The following TRPM3 variants were observed in gnomAD, a reference collection of about 807,000 sequenced individuals.
TRPM3 encodes transient receptor potential cation channel subfamily M member 3, also known as long transient receptor potential channel 3.
In TRPM3, 77 loss-of-function variants were observed where a neutral mutation model predicts 181.2. The observed-to-expected ratio is 0.42, with a 90% CI of 0.35 to 0.51. The LOEUF (loss-of-function observed/expected upper bound fraction) is 0.51. Ranked by LOEUF, TRPM3 falls within the 20% of genes least tolerant of loss-of-function variation. The pLI is 0.01. For synonymous variants in TRPM3, 745 were observed against 796.4 expected, an observed-to-expected ratio of 0.94 and a Z score of 1.09; for missense variants, 1,759 against 2,196.7, an observed-to-expected ratio of 0.80 and a Z score of 3.98.
intron 1 of TRPM3, among the ~76,000 whole-genome samples, chr9:70,947,686 T>G (rs1294834978): frequency 2.0e-5 from 3 of 152,146 alleles, no homozygotes; most frequent in Admixed American, 2.0e-4. Flanking sequence ...GCCCTACTTC[T>G]GGAGGCTCCA....
chr9:71,422,614 G>A (rs962443906), intron 1 of TRPM3, among the ~76,000 whole-genome samples: 2 of 151,892 alleles, frequency 1.3e-5, no homozygotes, highest in Non-Finnish European at 2.9e-5. Flanking sequence ...CTTTCTAGTA[G>A]TATATATACA....
chr9:71,315,483 T>C (rs1378775124), intron 1 of TRPM3, among the ~76,000 whole-genome samples: 1 of 152,158 alleles, frequency 6.6e-6, no homozygotes, highest in African/African-American at 2.4e-5. Flanking sequence ...TCTGTCTAGA[T>C]CCCTGCTTTA....
chr9:70,941,047 G>C (rs2096881021), intron 1 of TRPM3, among the ~76,000 whole-genome samples: 1 of 152,222 alleles, frequency 6.6e-6, no homozygotes, highest in Non-Finnish European at 1.5e-5. Flanking sequence ...AATCTGAGCA[G>C]TTATCAGTGT....
chr9:71,154,063 A>G (rs1366690869), intron 1 of TRPM3, among the ~76,000 whole-genome samples: 2 of 152,170 alleles, frequency 1.3e-5, no homozygotes, highest in Non-Finnish European at 2.9e-5. Flanking sequence ...AAATAAACAA[A>G]TAACAACAAC....
chr9:71,037,833 T>C (rs1021290204), intron 1 of TRPM3, among the ~76,000 whole-genome samples: 5 of 152,356 alleles, frequency 3.3e-5, no homozygotes, highest in African/African-American at 7.2e-5. Flanking sequence ...TTCTATCAAG[T>C]ATGGATGCCA....
intron 1 of TRPM3, among the ~76,000 whole-genome samples, chr9:71,289,760 C>T (rs900280803): frequency 1.3e-5 from 2 of 148,544 alleles, no homozygotes; most frequent in Non-Finnish European, 3.0e-5. Context: ...CCCAGCTACT[C>T]GGGAGGCTGA....
intron 22 of TRPM3, among the ~76,000 whole-genome samples, chr9:70,565,875 C>A (rs986608813): frequency 1.3e-5 from 2 of 152,124 alleles, no homozygotes; most frequent in African/African-American, 4.8e-5. Context: ...GCCTCAGTGT[C>A]CTCATTTCTA....
intron 22 of TRPM3, among the ~76,000 whole-genome samples, chr9:70,563,476 T>A (rs1386035957): frequency 1.3e-5 from 2 of 152,194 alleles, no homozygotes; most frequent in Non-Finnish European, 2.9e-5. Context: ...CTTTCCTCAT[T>A]TCTTCACTTC....
chr9:70,999,456 T>C (rs1018874599), intron 1 of TRPM3, among the ~76,000 whole-genome samples: 7 of 152,138 alleles, frequency 4.6e-5, no homozygotes, highest in African/African-American at 1.7e-4. Context: ...ATCACCTTGG[T>C]TGGATTCAGA....
chr9:70,573,123 CACA>C (rs139071530), intron 22 of TRPM3, among the ~76,000 whole-genome samples: 3,359 of 152,182 alleles, frequency 0.022, 36 homozygotes, highest in South Asian at 0.04. Flanking sequence ...AGTGTTCAGA[CACA>C]ACAATTCCAG....
chr9:70,846,080 T>G (rs1589172172), intron 4 of TRPM3, among the ~76,000 whole-genome samples: 1 of 152,246 alleles, frequency 6.6e-6, no homozygotes, highest in African/African-American at 2.4e-5. Context: ...AAAGAATTAT[T>G]GGCAACTTGA....
intron 3 of TRPM3, among the ~76,000 whole-genome samples, chr9:70,848,316 G>A (rs2095067333): frequency 6.6e-6 from 1 of 151,986 alleles, no homozygotes; most frequent in African/African-American, 2.4e-5. Flanking sequence ...GATGCAGCCA[G>A]GAAAACAAAG....
intron 1 of TRPM3, among the ~76,000 whole-genome samples, chr9:71,198,254 A>G (rs2078527217): frequency 6.6e-6 from 1 of 152,094 alleles, no homozygotes; most frequent in South Asian, 2.1e-4. Flanking sequence ...TACCAGTACC[A>G]TGCTGTTTTG....
At chr9:70,806,920 G>A (rs895703918) in intron 6 of TRPM3, among the ~76,000 whole-genome samples, 1 of 152,050 alleles carries the variant, frequency 6.6e-6, no homozygotes, top group Admixed American at 6.5e-5. Flanking sequence ...ACTTTGAAGG[G>A]TCCTATGATA....
chr9:70,740,450 A>G (rs1377484278), intron 8 of TRPM3, among the ~76,000 whole-genome samples: 1 of 150,596 alleles, frequency 6.6e-6, no homozygotes, highest in African/African-American at 2.4e-5. Context: ...GCATACCACC[A>G]TCATTCTTCA....
chr9:70,921,942 A>C lies in TRPM3; in HGVS notation c.178-57431T>G, dbSNP rs10651775. 5.8e-3 allele frequency among the ~76,000 whole-genome samples: 815 copies of C among 139,478 alleles called. 5 individuals carry two copies. Among genetic ancestry groups the C allele is most frequent in the African/African-American group, 0.019 (694 of 36,734 alleles). 91.5% of individuals were successfully genotyped at this position (139,478 alleles called of 152,430 possible). A position where few individuals can be genotyped will look rare whatever the true frequency, so the allele number is the denominator to read the frequency against. ...ATACACACACACACACACACAAACAAACACACACACACACACACACACACA... is the reference window on the plus strand; with the variant it reads ...ATACACACACACACACACACAAACACACACACACACACACACACACACACA... On this transcript the variant is annotated intron_variant, in intron 1 of 25. Coordinates refer to ENST00000677713, the MANE Select transcript of TRPM3 (RefSeq NM_001366145.2).
At chr9:71,058,113 G>A (rs1247262556) in intron 1 of TRPM3, among the ~76,000 whole-genome samples, 5 of 151,978 alleles carry the variant, frequency 3.3e-5, no homozygotes, top group Non-Finnish European at 7.4e-5. Flanking sequence ...AGAACCCAGG[G>A]CATAGTCCAA....
intron 25 of TRPM3, among the ~76,000 whole-genome samples, chr9:70,539,381 C>T (rs2042648681): frequency 6.6e-6 from 1 of 152,144 alleles, no homozygotes; most frequent in African/African-American, 2.4e-5. Context: ...TTCTGCCTCT[C>T]TCAGGACCCC....
intron 6 of TRPM3, among the ~76,000 whole-genome samples, chr9:70,788,074 C>G (rs2084332459): frequency 6.8e-6 from 1 of 146,054 alleles, no homozygotes; most frequent in African/African-American, 2.6e-5. Context: ...AGGTTAGTTA[C>G]ATATGTATAC....
Sources: allele counts gnomAD v4.1 joint callset (sites outside exome capture counted in the v4.1 genomes callset), GRCh38; gene constraint gnomAD v4.1.1; transcripts MANE v1.5; gene names NCBI Gene and HGNC (gene_info 2026-07-23, HGNC 2026-07-21).